The following AAGAB variants were observed in gnomAD, a reference collection of about 807,000 sequenced individuals.
AAGAB encodes the protein alpha- and gamma-adaptin-binding protein p34.
In AAGAB, 38 loss-of-function variants were observed where a neutral mutation model predicts 44.1. That is an observed-to-expected ratio of 0.86 (90% CI 0.67 to 1.13). AAGAB has a LOEUF of 1.13. Ranked by LOEUF, AAGAB falls within the 50% of genes most tolerant of loss-of-function variation. The probability of loss-of-function intolerance (pLI) is 0.00; values close to 1 mark genes in which losing one functional copy is unlikely to be tolerated. For synonymous variants in AAGAB, 131 were observed against 131.8 expected (o/e 0.99, Z 0.04); for missense variants, 450 against 373.8 (o/e 1.20, Z -1.68).
At chr15:67,204,276 A>C (rs1963636830) in intron 7 of AAGAB, 128 bp from the exon 8 acceptor site, 2 of 599,136 alleles carry the variant, frequency 3.3e-6, no homozygotes, top group Middle Eastern at 2.8e-4. Context: ...TACCAGCTTT[A>C]CAGCTCATGG....
At chr15:67,239,634 T>G (rs1411525661) in intron 1 of AAGAB, among the ~76,000 whole-genome samples, 1 of 152,204 alleles carries the variant, frequency 6.6e-6, no homozygotes, top group African/African-American at 2.4e-5. Context: ...ATCAAACACT[T>G]TCTTCAAGGC....
At chr15:67,245,747 G>A (rs553740825) in intron 1 of AAGAB, among the ~76,000 whole-genome samples, 1 of 152,182 alleles carries the variant, frequency 6.6e-6, no homozygotes, top group African/African-American at 2.4e-5. Flanking sequence ...GAACAAATCT[G>A]GTCAATATTC....
chr15:67,235,954 T>A, intron 4 of AAGAB, 25 bp downstream of exon 4: 1 of 1,508,584 alleles, frequency 6.6e-7, no homozygotes, highest in Non-Finnish European at 9.1e-7. Flanking sequence ...AGTGCCATAT[T>A]TTCTCCTAAC....
At position 67,202,766 on chromosome 15, in the gene AAGAB, G is replaced by C; in HGVS notation, c.*55C>G. The C allele has an allele frequency of 1.3e-6, 2 of 1,562,344 alleles. No individual in the cohort carries two copies. Among genetic ancestry groups the C allele is most frequent in the Non-Finnish European group, 1.8e-6 (2 of 1,132,922 alleles). ...GCAAAATATGACTGGGCTGAGTAGA[G>C]AGGTATCTCAGAGACAGCTAGCATC... On this transcript the variant is annotated 3_prime_UTR_variant, in exon 10 of 10. Coordinates refer to ENST00000261880, the MANE Select transcript of AAGAB (RefSeq NM_024666.5).
At chr15:67,203,829 A>T (rs1003898909) in intron 8 of AAGAB, among the ~76,000 whole-genome samples, 6 of 152,228 alleles carry the variant, frequency 3.9e-5, no homozygotes, top group African/African-American at 1.4e-4. Flanking sequence ...GAAACAAGGC[A>T]AAAGCAGGAA....
chr15:67,211,069 CCTT>C (rs1241814158), intron 5 of AAGAB, among the ~76,000 whole-genome samples: 2 of 152,210 alleles, frequency 1.3e-5, no homozygotes, highest in African/African-American at 2.4e-5. Context: ...CAGTGTCCTT[CCTT>C]CTTCCTTTCA....
intron 4 of AAGAB, among the ~76,000 whole-genome samples, 166 bp from the exon 5 acceptor site, chr15:67,232,063 GA>G (rs1298155426): frequency 6.6e-6 from 1 of 151,988 alleles, no homozygotes; most frequent in Non-Finnish European, 1.5e-5. Flanking sequence ...AGACCAGCCT[GA>G]CCAACATAGA....
Position 67,202,452 on chromosome 15 carries a change from A to G in AAGAB, c.*369T>C, listed in dbSNP as rs1457627518. On this transcript the variant is annotated 3_prime_UTR_variant, in exon 10 of 10. Transcript: ENST00000261880. Reference sequence around the variant, plus strand: ...GGTGACACAACTCCTGATGTGCAGTATCAAGTGTGAATGCTGGAAATGCTA... The same window carrying G: ...GGTGACACAACTCCTGATGTGCAGTGTCAAGTGTGAATGCTGGAAATGCTA... The G allele has an allele frequency of 2.0e-5, 4 of 199,808 alleles. No individual in the cohort carries two copies. The highest frequency in any genetic ancestry group is 4.1e-5 in the Non-Finnish European group (4 of 97,184). The allele number at this position is 199,808 out of a possible 1,614,324, so 12.4% of individuals were successfully genotyped here. A position where few individuals can be genotyped will look rare whatever the true frequency, so the allele number is the denominator to read the frequency against.
chr15:67,232,548 C>T (rs1208122009), intron 4 of AAGAB: 10 of 394,610 alleles, frequency 2.5e-5, no homozygotes, highest in Non-Finnish European at 5.1e-5. Context: ...GAAGGCAACA[C>T]TACCTAAGAG....
At chr15:67,213,802 A>G (rs905430623) in intron 5 of AAGAB, among the ~76,000 whole-genome samples, 6 of 152,272 alleles carry the variant, frequency 3.9e-5, no homozygotes, top group African/African-American at 1.4e-4. Context: ...AGTGCTAAAT[A>G]TGTGCAAGGT....
intron 6 of AAGAB, 94 bp downstream of exon 6, chr15:67,209,366 AAT>A (rs1963756672): frequency 9.2e-7 from 1 of 1,083,180 alleles, no homozygotes. Flanking sequence ...TCACCTTTTA[AAT>A]GGAAAGGAAA....
chr15:67,232,803 A>T, intron 4 of AAGAB: 1 of 203,068 alleles, frequency 4.9e-6, no homozygotes, highest in Non-Finnish European at 1.0e-5. Context: ...CAGACAGCAA[A>T]GGCCAGTGTT....
At chr15:67,208,761 A>C in intron 6 of AAGAB, 103 bp from the exon 7 acceptor site, 1 of 942,560 alleles carries the variant, frequency 1.1e-6, no homozygotes, top group African/African-American at 1.6e-5. Flanking sequence ...TTGAGAAAAG[A>C]GTAATAGGAA....
At chr15:67,234,393 T>C (rs1039341375) in intron 4 of AAGAB, among the ~76,000 whole-genome samples, 4 of 152,234 alleles carry the variant, frequency 2.6e-5, no homozygotes, top group African/African-American at 9.6e-5. Context: ...GAATAACTAA[T>C]ACTTTAGATG....
intron 7 of AAGAB, among the ~76,000 whole-genome samples, chr15:67,205,748 CA>C (rs1963670799): frequency 6.6e-6 from 1 of 151,964 alleles, no homozygotes; most frequent in African/African-American, 2.4e-5. Flanking sequence ...ATACCAGGGG[CA>C]AAAGACAGAC....
At chr15:67,247,768 T>C (rs970485494) in intron 1 of AAGAB, among the ~76,000 whole-genome samples, 2 of 152,260 alleles carry the variant, frequency 1.3e-5, no homozygotes, top group African/African-American at 2.4e-5. Context: ...AGAGTCATTT[T>C]CATTTATTAT....
intron 1 of AAGAB, among the ~76,000 whole-genome samples, chr15:67,238,916 C>T (rs1964531546): frequency 6.6e-6 from 1 of 152,062 alleles, no homozygotes; most frequent in Non-Finnish European, 1.5e-5. Flanking sequence ...AGGATGGTCT[C>T]GATCTCCTGA....
At chr15:67,203,033 C>A (rs865812289) in intron 9 of AAGAB, 135 bp from the exon 10 acceptor site, 3 of 727,904 alleles carry the variant, frequency 4.1e-6, no homozygotes, top group East Asian at 2.6e-5. Flanking sequence ...ATATCAGAAC[C>A]CTTGAATACC....
At chr15:67,250,297 C>CA (rs1477393698) in intron 1 of AAGAB, among the ~76,000 whole-genome samples, 5 of 152,152 alleles carry the variant, frequency 3.3e-5, no homozygotes, top group Non-Finnish European at 7.4e-5. Flanking sequence ...CTGCCTCAGC[C>CA]ACCTGAGTAG....
Sources: allele counts gnomAD v4.1 joint callset (sites outside exome capture counted in the v4.1 genomes callset), GRCh38; gene constraint gnomAD v4.1.1; transcripts MANE v1.5; gene names NCBI Gene and HGNC (gene_info 2026-07-23, HGNC 2026-07-21).